Variants in ANKRD36B observed in about 807,000 individuals in gnomAD.
ANKRD36B encodes the protein ankyrin repeat domain-containing protein 36B.
ANKRD36B carries 37 observed loss-of-function variants against 135.7 expected under a neutral mutation model. The observed-to-expected ratio is 0.27, with a 90% CI of 0.21 to 0.36. The LOEUF (loss-of-function observed/expected upper bound fraction) is 0.36. ANKRD36B is among the 10% of genes least tolerant of loss of function. ANKRD36B has a pLI of 1.00. For missense variants in ANKRD36B, 549 were observed against 1,037.1 expected, an observed-to-expected ratio of 0.53 and a Z score of 6.46; for synonymous variants, 179 against 348.1, an observed-to-expected ratio of 0.51 and a Z score of 5.41.
intron 35 of ANKRD36B, among the ~76,000 whole-genome samples, chr2:97,528,779 T>C (rs2078380397): frequency 1.0e-5 from 1 of 95,702 alleles, no homozygotes; most frequent in Admixed American, 9.3e-5. Context: ...CAAACACCTC[T>C]ATGCAAATAA....
At chr2:97,557,049 A>G (rs973050207) in intron 11 of ANKRD36B, 40 bp from the exon 12 acceptor site, 3 of 1,546,904 alleles carry the variant, frequency 1.9e-6, no homozygotes, top group Non-Finnish European at 2.6e-6. Flanking sequence ...TACATAATAT[A>G]TATTTCATAG....
Position 97,585,363 on chromosome 2 carries a change from G to A in ANKRD36B, c.197C>T (p.Pro66Leu), listed in dbSNP as rs2082906455. The A allele has an allele frequency of 6.4e-6, 10 of 1,571,850 alleles. No individual in the cohort carries two copies. Among genetic ancestry groups the A allele is most frequent in the East Asian group, 2.4e-5 (1 of 42,482 alleles). Residue 66 changes from proline to leucine, a missense_variant, in exon 2 of 44, where the codon CCG becomes CTG. Transcript: ENST00000359901. Reference protein sequence around the residue: ...ALHLACATGQPEMVHLLVSRR... With the variant: ...ALHLACATGQLEMVHLLVSRR... ...GGACACCAGGAGATGTACCATTTCCGGTTGGCCAGTGGCACAGGCCAAATG... is the reference window on the plus strand; with the variant it reads ...GGACACCAGGAGATGTACCATTTCCAGTTGGCCAGTGGCACAGGCCAAATG...
At position 97,528,343 on chromosome 2, in the gene ANKRD36B, C is replaced by A. The variant is rs1348194258; in HGVS notation, c.2265+3968G>T. 8.5e-5 allele frequency among the ~76,000 whole-genome samples: 8 copies of A among 93,994 alleles called. 3 individuals carry two copies. Among genetic ancestry groups the A allele is most frequent in the Non-Finnish European group, 2.3e-4 (8 of 35,508 alleles). The allele number at this position is 93,994 out of a possible 152,430, so 61.7% of individuals were successfully genotyped here. ...AAATGAAGGCAGAAATAAAGATGTT[C>A]TTTGAAACCAACGAGAACAAAGACA... On this transcript the variant is annotated intron_variant, in intron 35 of 43. Coordinates refer to ENST00000359901, the MANE Select transcript of ANKRD36B (RefSeq NM_001393939.1).
rs2078791570 is a variant in ANKRD36B, at chr2:97,535,035, A to G, written c.2191+1265T>C. 5.2e-5 allele frequency among the ~76,000 whole-genome samples: 5 copies of G among 96,062 alleles called. 2 individuals are homozygous for G. Among genetic ancestry groups the G allele is most frequent in the Non-Finnish European group, 1.4e-4 (5 of 35,822 alleles). 63.0% of individuals were successfully genotyped at this position (96,062 alleles called of 152,430 possible). On this transcript the variant is annotated intron_variant, in intron 34 of 43. Coordinates refer to ENST00000359901, the MANE Select transcript of ANKRD36B (RefSeq NM_001393939.1). ...TTCGCAATGACATGGATGGAACAGG[A>G]GGACATTATGTCAAGTAAAATAATC...
chr2:97,547,680 A>G (rs1235017473), intron 21 of ANKRD36B, 23 bp downstream of exon 21: 1 of 1,556,808 alleles, frequency 6.4e-7, no homozygotes, highest in East Asian at 2.4e-5. Flanking sequence ...ACTAGTTCAC[A>G]ATATAAATGA....
At position 97,544,935 on chromosome 2, in the gene ANKRD36B, A is replaced by G. The variant is rs556412319; in HGVS notation, c.1681+731T>C. ...CTTTGAAGCCAATGTATTCATATTC[A>G]TTTATCTCAGTTTTATAACTAAAAT... is the stretch of plus-strand genomic sequence containing the variant. On this transcript the variant is annotated intron_variant, in intron 24 of 43. Coordinates refer to ENST00000359901, the MANE Select transcript of ANKRD36B (RefSeq NM_001393939.1). Among the ~76,000 whole-genome samples, 16 of 95,732 alleles carry G rather than the reference A, an allele frequency of 1.7e-4. 5 individuals are homozygous for G. Among genetic ancestry groups the G allele is most frequent in the South Asian group, 1.7e-3 (7 of 4,232 alleles). The allele number at this position is 95,732 out of a possible 152,430, so 62.8% of individuals were successfully genotyped here.
At chr2:97,540,163 C>A in intron 29 of ANKRD36B, 38 bp downstream of exon 29, 1 of 956,482 alleles carries the variant, frequency 1.0e-6, no homozygotes, top group East Asian at 2.6e-5. Context: ...ATAGACTATA[C>A]AATTACTAGT....
At chr2:97,561,080 A>T (rs1239287172) in intron 6 of ANKRD36B, among the ~76,000 whole-genome samples, 1 of 151,714 alleles carries the variant, frequency 6.6e-6, no homozygotes, top group African/African-American at 2.4e-5. Flanking sequence ...GACAATTTCA[A>T]ATGTGATATG....
At chr2:97,550,522 A>C (rs1447013357) in intron 18 of ANKRD36B, among the ~76,000 whole-genome samples, 12 of 151,664 alleles carry the variant, frequency 7.9e-5, no homozygotes, top group Admixed American at 2.6e-4. Flanking sequence ...GCTATTTTAT[A>C]CAAGAGGTAG....
Position 97,536,510 on chromosome 2 carries a change from G to T in ANKRD36B, c.2090-14C>A, listed in dbSNP as rs1421338616. 2 of 889,806 alleles carry T rather than the reference G, an allele frequency of 2.2e-6. No individual in the cohort carries two copies. The highest frequency in any genetic ancestry group is 1.3e-5 in the South Asian group (1 of 78,054). 55.1% of individuals were successfully genotyped at this position (889,806 alleles called of 1,614,324 possible). A position where few individuals can be genotyped will look rare whatever the true frequency, so the allele number is the denominator to read the frequency against. On this transcript the variant is annotated splice_polypyrimidine_tract_variant and intron_variant, in intron 32 of 43. Coordinates refer to ENST00000359901, the MANE Select transcript of ANKRD36B (RefSeq NM_001393939.1). ...TCTCAGGATACTCTAACAAGCAAGA[G>T]AAATATATAATCATATGTAAATATG... is the stretch of plus-strand genomic sequence containing the variant.
chr2:97,586,416 A>AAG (rs1438633909), intron 1 of ANKRD36B, among the ~76,000 whole-genome samples: 1 of 151,620 alleles, frequency 6.6e-6, no homozygotes, highest in African/African-American at 2.4e-5. Context: ...AAAAAAAAAA[A>AAG]AGGAATAAAA....
Position 97,589,773 on chromosome 2 carries a change from G to C in ANKRD36B, c.-88C>G, listed in dbSNP as rs2083291437. ...CAGCCGTATTTCAGCTCGCCTTCGGGGATCGCCGCCTCCGAAGAGCAACAA... is the reference window on the plus strand; with the variant it reads ...CAGCCGTATTTCAGCTCGCCTTCGGCGATCGCCGCCTCCGAAGAGCAACAA... On this transcript the variant is annotated 5_prime_UTR_variant, in exon 1 of 44. Coordinates refer to ENST00000359901, the MANE Select transcript of ANKRD36B (RefSeq NM_001393939.1). The C allele has an allele frequency of 1.9e-6, 3 of 1,600,276 alleles. No homozygotes were observed. Among genetic ancestry groups the C allele is most frequent in the African/African-American group, 2.7e-5 (2 of 74,326 alleles).
chr2:97,587,691 A>G lies in ANKRD36B; in HGVS notation c.161+1834T>C, dbSNP rs572282969. ...AACGGAATTGATGGGTGAAGGGCAC[A>G]TACATTTTTACAGTGTGATACTTAC... is the stretch of plus-strand genomic sequence containing the variant. On this transcript the variant is annotated intron_variant, in intron 1 of 43. Coordinates refer to ENST00000359901, the MANE Select transcript of ANKRD36B (RefSeq NM_001393939.1). Among the ~76,000 whole-genome samples, 187 of 152,344 alleles carry G rather than the reference A, an allele frequency of 1.2e-3. 1 individual carries two copies. The highest frequency in any genetic ancestry group is 5.6e-3 in the South Asian group (27 of 4,832).
chr2:97,549,534 T>C, intron 19 of ANKRD36B, 43 bp from the exon 20 acceptor site: 1 of 1,606,282 alleles, frequency 6.2e-7, no homozygotes. Context: ...ATAAAGTATG[T>C]TTCATAGACC....
Position 97,549,575 on chromosome 2 carries a change from A to G in ANKRD36B, c.1404+11T>C. ...TTAACTAGTTCACAATATAAATGAGAGTTTCATTACCTTCAAGGCTGGTGG... is the reference window on the plus strand; with the variant it reads ...TTAACTAGTTCACAATATAAATGAGGGTTTCATTACCTTCAAGGCTGGTGG... On this transcript the variant is annotated intron_variant, in intron 19 of 43. Coordinates refer to ENST00000359901, the MANE Select transcript of ANKRD36B (RefSeq NM_001393939.1). The G allele has an allele frequency of 6.2e-7, 1 of 1,608,982 alleles. No individual in the cohort carries two copies. Among genetic ancestry groups the G allele is most frequent in the Non-Finnish European group, 8.5e-7 (1 of 1,177,962 alleles).
Position 97,549,436 on chromosome 2 carries a change from C to T in ANKRD36B, c.1460G>A (p.Gly487Glu), listed in dbSNP as rs527389405. ...VLNIAREKKD[G>E]EKSRTVSFEQ... Reference sequence around the variant, plus strand: ...AAAATTACCTGTCCTAGATTTTTCTCCATCCTTTTTTTCTCTGGCTATATT... The same window carrying T: ...AAAATTACCTGTCCTAGATTTTTCTTCATCCTTTTTTTCTCTGGCTATATT... The change falls in exon 20 of 44, where the codon GGA becomes GAA. Residue 487 changes from glycine (G) to glutamate (E), a missense_variant. Gly to Glu is a moderately conservative substitution (Grantham distance 98). Coordinates refer to ENST00000359901, the MANE Select transcript of ANKRD36B (RefSeq NM_001393939.1). 19 of 1,573,724 alleles carry T rather than the reference C, an allele frequency of 1.2e-5. No individual in the cohort carries two copies. The East Asian group carries it at 3.5e-4, about 29-fold the overall frequency.
chr2:97,552,130 T>A (rs2080125115), intron 16 of ANKRD36B, among the ~76,000 whole-genome samples: 1 of 151,950 alleles, frequency 6.6e-6, no homozygotes, highest in African/African-American at 2.4e-5. Context: ...AATTTCTTCA[T>A]CCAGTCGTGA....
At position 97,580,586 on chromosome 2, in the gene ANKRD36B, C is replaced by T; in HGVS notation, c.451-18G>A. ...TATTCATTCTGTAAAATAACAGCAA[C>T]AATTTATAATCACAAAATTACATAT... On this transcript the variant is annotated intron_variant, in intron 3 of 43. Transcript: ENST00000359901. 6.5e-7 allele frequency: 1 copy of T among 1,533,110 alleles called. No homozygotes were observed. Among genetic ancestry groups the T allele is most frequent in the Non-Finnish European group, 8.8e-7 (1 of 1,136,252 alleles). 95.0% of individuals were successfully genotyped at this position (1,533,110 alleles called of 1,614,324 possible). A position where few individuals can be genotyped will look rare whatever the true frequency, so the allele number is the denominator to read the frequency against.
intron 22 of ANKRD36B, among the ~76,000 whole-genome samples, chr2:97,546,479 C>A (rs557313800): frequency 6.6e-6 from 1 of 151,750 alleles, no homozygotes; most frequent in African/African-American, 2.4e-5. Flanking sequence ...TTTCTTGTAT[C>A]CACTAGTTTA....
Sources: allele counts gnomAD v4.1 joint callset (sites outside exome capture counted in the v4.1 genomes callset), GRCh38; gene constraint gnomAD v4.1.1; transcripts MANE v1.5; gene names NCBI Gene and HGNC (gene_info 2026-07-23, HGNC 2026-07-21).